Variants in BUD23 observed in about 807,000 individuals in gnomAD.
BUD23 encodes the protein 18S rRNA (guanine-N(7))-methyltransferase.
In BUD23, 34 loss-of-function variants were observed where a neutral mutation model predicts 47.0. That is an observed-to-expected ratio of 0.72 (90% CI 0.55 to 0.96). The LOEUF (loss-of-function observed/expected upper bound fraction) is 0.96, where lower values mean the gene tolerates loss of function less well. BUD23 is among the 40% of genes least tolerant of loss of function. BUD23 has a pLI of 0.00. For synonymous variants in BUD23, 124 were observed against 132.0 expected, an observed-to-expected ratio of 0.94 and a Z score of 0.41; for missense variants, 343 against 361.2, an observed-to-expected ratio of 0.95 and a Z score of 0.41.
At chr7:73,686,517 A>G in intron 2 of BUD23, 119 bp from the exon 3 acceptor site, 2 of 879,664 alleles carry the variant, frequency 2.3e-6, no homozygotes, top group East Asian at 4.8e-5. Flanking sequence ...CCTCGGGATG[A>G]TTGATCCGTT....
At chr7:73,692,218 CT>C (rs1798221917) in intron 6 of BUD23, among the ~76,000 whole-genome samples, 1 of 152,236 alleles carries the variant, frequency 6.6e-6, no homozygotes, top group Non-Finnish European at 1.5e-5. Context: ...CCTCTTCTCC[CT>C]GCTGGAAGGC....
intron 2 of BUD23, among the ~76,000 whole-genome samples, chr7:73,684,324 T>G (rs1288168755): frequency 2.0e-5 from 3 of 151,918 alleles, no homozygotes; most frequent in East Asian, 2.0e-4. Flanking sequence ...GAGGATCGCT[T>G]GAGCTCAGGG....
At chr7:73,697,346 T>A in intron 10 of BUD23, 1 of 1,211,742 alleles carries the variant, frequency 8.3e-7, no homozygotes, top group Admixed American at 2.1e-5. Flanking sequence ...GACTGCTCGC[T>A]GGTGTTTAGG....
At chr7:73,692,489 C>A in intron 6 of BUD23, 107 bp from the exon 7 acceptor site, 2 of 1,116,950 alleles carry the variant, frequency 1.8e-6, no homozygotes, top group South Asian at 1.4e-5. Context: ...ATGCCTCACA[C>A]ATAATGGAAA....
At chr7:73,693,889 C>A in intron 9 of BUD23, 103 bp from the exon 10 acceptor site, 1 of 1,465,320 alleles carries the variant, frequency 6.8e-7, no homozygotes. Context: ...GACTGGACCT[C>A]GTCCCTGTCG....
At chr7:73,688,854 TA>T (rs1466277641) in intron 5 of BUD23, among the ~76,000 whole-genome samples, 3 of 152,090 alleles carry the variant, frequency 2.0e-5, no homozygotes, top group African/African-American at 7.2e-5. Flanking sequence ...AAATTCAGAT[TA>T]GAAGATTTTC....
At chr7:73,685,858 C>T (rs1554612899) in intron 2 of BUD23, among the ~76,000 whole-genome samples, 1 of 151,296 alleles carries the variant, frequency 6.6e-6, no homozygotes, top group African/African-American at 2.4e-5. Context: ...TTTGGGAGGC[C>T]GAGGCTGGCG....
chr7:73,687,879 A>G (rs1798038145), intron 5 of BUD23, among the ~76,000 whole-genome samples: 1 of 151,812 alleles, frequency 6.6e-6, no homozygotes. Flanking sequence ...AGCCTCTACT[A>G]AAAAGCCAGA....
intron 5 of BUD23, among the ~76,000 whole-genome samples, chr7:73,687,956 C>T (rs528453777): frequency 6.7e-6 from 1 of 149,888 alleles, no homozygotes; most frequent in South Asian, 2.1e-4. Context: ...AGTGCAGTGG[C>T]GGGATCTCGG....
In BUD23 at chr7:73,687,066, C is replaced by T; in HGVS notation, c.333C>T (p.Phe111=). 2.5e-6 allele frequency: 4 copies of T among 1,613,916 alleles called. No homozygotes were observed. Among genetic ancestry groups the T allele is most frequent in the South Asian group, 2.2e-5 (2 of 91,054 alleles). The change falls in exon 5 of 12, where the codon TTC becomes TTT. Residue 111 remains phenylalanine (F), a synonymous_variant. Coordinates refer to ENST00000265758, the MANE Select transcript of BUD23 (RefSeq NM_017528.5). ...GGGATATGGGCCAGGGCATCCCATT[C>T]AAGCCAGGCACATTTGATGGTTGCA... ...LLGDMGQGIP[F]KPGTFDGCIS...
At chr7:73,685,798 AT>A (rs1554612890) in intron 2 of BUD23, among the ~76,000 whole-genome samples, 2 of 151,978 alleles carry the variant, frequency 1.3e-5, no homozygotes, top group African/African-American at 4.8e-5. Context: ...GGGGTTAAAA[AT>A]ATGACTCCAG....
chr7:73,687,218 G>T, intron 5 of BUD23, 123 bp downstream of exon 5: 2 of 985,206 alleles, frequency 2.0e-6, no homozygotes, highest in Non-Finnish European at 3.0e-6. Context: ...GGGTTCAGGT[G>T]ATCTGCCCAC....
intron 9 of BUD23, 140 bp downstream of exon 9, chr7:73,693,809 C>G: frequency 4.4e-6 from 6 of 1,354,522 alleles, no homozygotes; most frequent in Non-Finnish European, 6.3e-6. Context: ...GTGCTCACAT[C>G]CTCTGGAATC....
intron 2 of BUD23, among the ~76,000 whole-genome samples, chr7:73,684,923 C>CAAAAAA (rs56229090): frequency 1.2e-4 from 6 of 49,138 alleles, no homozygotes; most frequent in Admixed American, 6.1e-4. Flanking sequence ...GACTTTGTTT[C>CAAAAAA]AAAAAAAAAA....
intron 5 of BUD23, among the ~76,000 whole-genome samples, chr7:73,689,006 G>A (rs1188253730): frequency 1.3e-5 from 2 of 152,170 alleles, no homozygotes; most frequent in Non-Finnish European, 2.9e-5. Context: ...TTTCGGAAGG[G>A]GATGGTCAGT....
chr7:73,685,461 G>C (rs1483739883), intron 2 of BUD23, among the ~76,000 whole-genome samples: 1 of 152,238 alleles, frequency 6.6e-6, no homozygotes, highest in Non-Finnish European at 1.5e-5. Context: ...ATAATTTTTT[G>C]TGCGTGTGAG....
At chr7:73,697,342 T>C (rs1274420692) in intron 10 of BUD23, 4 of 1,161,068 alleles carry the variant, frequency 3.4e-6, no homozygotes, top group Non-Finnish European at 4.9e-6. Flanking sequence ...AACAGACTGC[T>C]CGCTGGTGTT....
chr7:73,691,403 C>G (rs1282141056), intron 6 of BUD23, among the ~76,000 whole-genome samples: 2 of 152,130 alleles, frequency 1.3e-5, no homozygotes, highest in Non-Finnish European at 2.9e-5. Context: ...GGGTACCTTC[C>G]AAAGTGCCCA....
At chr7:73,690,767 G>A (rs1798160561) in intron 5 of BUD23, 149 bp from the exon 6 acceptor site, 5 of 637,092 alleles carry the variant, frequency 7.8e-6, no homozygotes, top group Non-Finnish European at 1.4e-5. Context: ...ACCACTGTAC[G>A]TGGCCTCAAC....
Sources: allele counts gnomAD v4.1 joint callset (sites outside exome capture counted in the v4.1 genomes callset), GRCh38; gene constraint gnomAD v4.1.1; transcripts MANE v1.5; gene names NCBI Gene and HGNC (gene_info 2026-07-23, HGNC 2026-07-21).